Variants in TMEM245 observed in about 807,000 individuals in gnomAD.
TMEM245 encodes the protein transmembrane protein 245.
Under a neutral mutation model 101.2 loss-of-function variants are expected in TMEM245, and 69 were observed. That is an observed-to-expected ratio of 0.68 (90% confidence interval 0.56 to 0.83). TMEM245 has a LOEUF of 0.83. Among genes scored for constraint, TMEM245 ranks in the 40% least tolerant of loss-of-function variants. The pLI is 0.00. For missense variants in TMEM245, 1,075 were observed against 1,092.8 expected, an observed-to-expected ratio of 0.98 and a Z score of 0.23; for synonymous variants, 537 against 449.8, an observed-to-expected ratio of 1.19 and a Z score of -2.45.
intron 2 of TMEM245, among the ~76,000 whole-genome samples, chr9:109,108,165 C>T (rs1372832375): frequency 6.6e-6 from 1 of 152,028 alleles, no homozygotes; most frequent in East Asian, 1.9e-4. Flanking sequence ...TATATCTTCC[C>T]CTAAGTATGA....
chr9:109,038,319 GA>G (rs1233796157), intron 14 of TMEM245: 2 of 384,588 alleles, frequency 5.2e-6, no homozygotes, highest in African/African-American at 4.2e-5. Flanking sequence ...TATGTAATAT[GA>G]AATATGTTTT....
At position 109,016,451 on chromosome 9, in the gene TMEM245, TTC is replaced by T. The variant is rs1482408426; in HGVS notation, c.*4007_*4008del. ...AAAAAGAACTCTATTCTATTCTGAA[TTC>T]TGTTACTAACTGGCTGTATGTGTAT... On this transcript the variant is annotated 3_prime_UTR_variant, in exon 18 of 18. Transcript: ENST00000374586. 1 of 152,224 alleles carries T rather than the reference TTC, an allele frequency of 6.6e-6. No homozygotes were observed. Among genetic ancestry groups the T allele is most frequent in the Admixed American group, 6.5e-5 (1 of 15,284 alleles). 9.4% of individuals were successfully genotyped at this position (152,224 alleles called of 1,614,324 possible).
rs1828972343 is a variant in TMEM245, at chr9:109,060,345, AT to A, written c.1722+8del. The A allele has an allele frequency of 6.3e-7, 1 of 1,599,056 alleles. No individual in the cohort carries two copies. The highest frequency in any genetic ancestry group is 8.5e-7 in the Non-Finnish European group (1 of 1,172,760). On this transcript the variant is annotated splice_region_variant and intron_variant, in intron 11 of 17. Transcript: ENST00000374586. ...TTTACAACAGGAAACTTTAGCTAAA[AT>A]AACTTACCTTTACAAACCAAGAGTG...
chr9:109,024,563 T>C (rs985021265), intron 17 of TMEM245, among the ~76,000 whole-genome samples: 6 of 152,214 alleles, frequency 3.9e-5, no homozygotes, highest in Admixed American at 1.3e-4. Flanking sequence ...AACAGAAGTG[T>C]AAGATACCAC....
At chr9:109,106,439 G>T in intron 3 of TMEM245, 69 bp downstream of exon 3, 2 of 948,988 alleles carry the variant, frequency 2.1e-6, no homozygotes, top group Non-Finnish European at 1.6e-6. Context: ...TTTCATCATA[G>T]CATTTTTTAA....
chr9:109,092,593 A>G (rs561591235), intron 4 of TMEM245, among the ~76,000 whole-genome samples: 18 of 152,408 alleles, frequency 1.2e-4, no homozygotes, highest in African/African-American at 1.2e-4. Flanking sequence ...CTTTGGAAAC[A>G]TAATTCCATG....
At chr9:109,030,328 G>T (rs1460863856) in intron 17 of TMEM245, among the ~76,000 whole-genome samples, 4 of 149,268 alleles carry the variant, frequency 2.7e-5, no homozygotes, top group Non-Finnish European at 4.4e-5. Context: ...AAAGACAAAG[G>T]CTATATGGGT....
intron 3 of TMEM245, among the ~76,000 whole-genome samples, chr9:109,103,483 T>C (rs1028543702): frequency 1.4e-4 from 22 of 152,142 alleles, no homozygotes; most frequent in Admixed American, 6.5e-5. Flanking sequence ...GAAACCTAAA[T>C]GTCCATCAAC....
chr9:109,071,133 G>A (rs1224865027), intron 9 of TMEM245, among the ~76,000 whole-genome samples: 4 of 151,720 alleles, frequency 2.6e-5, no homozygotes, highest in African/African-American at 4.8e-5. Context: ...CTCCCGCCTC[G>A]GCCTCCCAAA....
chr9:109,083,901 C>CAAAAAAAACAAA, intron 7 of TMEM245, among the ~76,000 whole-genome samples: 1 of 34,468 alleles, frequency 2.9e-5, no homozygotes, highest in African/African-American at 1.1e-4. Flanking sequence ...ACTAAAAATA[C>CAAAAAAAACAAA]AAAAAAAAAA....
intron 16 of TMEM245, among the ~76,000 whole-genome samples, chr9:109,035,156 CAAAAAAAAAAA>C (rs778574292): frequency 7.8e-5 from 4 of 51,324 alleles, no homozygotes; most frequent in East Asian, 8.5e-4. Context: ...GACTCTGTCT[CAAAAAAAAAAA>C]AAAAAAAAAA....
rs1457701081 is a variant in TMEM245 at position 109,057,209 on chromosome 9, G to A, written c.1836C>T (p.Asn612=). ...TTCTTACCGAAAGAAATGTCTCAAT[G>A]TTCTCGTGAACAAAGGAAACAATAT... ...WQDIVSFVHE[N]IETFLSILES... The change falls in exon 12 of 18, where the codon AAC becomes AAT. Residue 612 remains asparagine (N), a synonymous_variant. Transcript: ENST00000374586. 6.2e-7 allele frequency: 1 copy of A among 1,613,612 alleles called. No individual in the cohort carries two copies.
chr9:109,036,428 C>T, intron 15 of TMEM245, 48 bp from the exon 16 acceptor site: 1 of 1,500,604 alleles, frequency 6.7e-7, no homozygotes, highest in South Asian at 1.4e-5. Flanking sequence ...CAGCAAAACA[C>T]TAACAAAGCA....
intron 9 of TMEM245, among the ~76,000 whole-genome samples, chr9:109,066,342 C>T (rs1829162840): frequency 6.6e-6 from 1 of 151,754 alleles, no homozygotes; most frequent in Admixed American, 6.6e-5. Flanking sequence ...GTAGTCCCAG[C>T]TACTCAGGAG....
chr9:109,108,946 C>T (rs570723533), intron 1 of TMEM245, among the ~76,000 whole-genome samples: 27 of 151,414 alleles, frequency 1.8e-4, no homozygotes, highest in African/African-American at 5.8e-4. Flanking sequence ...AGAAAAGAAA[C>T]GGAAAGAAAA....
At chr9:109,076,407 G>A (rs762612176) in intron 8 of TMEM245, among the ~76,000 whole-genome samples, 1 of 151,312 alleles carries the variant, frequency 6.6e-6, no homozygotes, top group Non-Finnish European at 1.5e-5. Flanking sequence ...GGGAGGGATA[G>A]CATTAGGAGA....
At chr9:109,068,553 C>T (rs1339977632) in intron 9 of TMEM245, among the ~76,000 whole-genome samples, 4 of 151,230 alleles carry the variant, frequency 2.6e-5, no homozygotes, top group Non-Finnish European at 4.4e-5. Context: ...GCACAGGAAT[C>T]GCTTGAACCC....
intron 5 of TMEM245, among the ~76,000 whole-genome samples, chr9:109,089,930 A>G (rs1829949371): frequency 6.6e-6 from 1 of 152,228 alleles, no homozygotes; most frequent in African/African-American, 2.4e-5. Flanking sequence ...TAAAAAGGCA[A>G]GGTAAAACGT....
At chr9:109,086,282 C>T (rs1299216675) in intron 6 of TMEM245, among the ~76,000 whole-genome samples, 1 of 152,180 alleles carries the variant, frequency 6.6e-6, no homozygotes, top group African/African-American at 2.4e-5. Context: ...CATAAAATAA[C>T]CTGCATGCTC....
Sources: gnomAD v4.1 joint callset for allele counts (sites outside exome capture counted in the v4.1 genomes callset) on GRCh38, gnomAD v4.1.1 for gene constraint, MANE v1.5 for transcripts, NCBI Gene and HGNC (gene_info 2026-07-23, HGNC 2026-07-21) for gene names.